The following GPR158 variants were observed in gnomAD, a reference collection of about 807,000 sequenced individuals.
GPR158 encodes metabotropic glycine receptor.
GPR158 carries 30 observed loss-of-function variants against 78.2 expected under a neutral mutation model. The ratio of observed to expected loss-of-function variants is 0.38; its 90% CI spans 0.29 to 0.52. The LOEUF (loss-of-function observed/expected upper bound fraction) is 0.52, where lower values mean the gene tolerates loss of function less well. Among genes scored for constraint, GPR158 ranks in the 20% least tolerant of loss-of-function variants. The pLI, the probability that GPR158 is intolerant of heterozygous loss-of-function variation, is 0.83. For synonymous variants in GPR158, 581 were observed against 591.1 expected, an observed-to-expected ratio of 0.98 and a Z score of 0.25; for missense variants, 1,463 against 1,523.5, an observed-to-expected ratio of 0.96 and a Z score of 0.66.
At chr10:25,242,857 T>C (rs1853644747) in intron 2 of GPR158, among the ~76,000 whole-genome samples, 1 of 152,226 alleles carries the variant, frequency 6.6e-6, no homozygotes, top group South Asian at 2.1e-4. Context: ...ATAAATGTTT[T>C]AGGTCTGCAC....
At chr10:25,248,891 T>C (rs1588757005) in intron 2 of GPR158, among the ~76,000 whole-genome samples, 1 of 151,498 alleles carries the variant, frequency 6.6e-6, no homozygotes, top group East Asian at 1.9e-4. Flanking sequence ...ATTGAATCTG[T>C]AAATTACCTT....
At chr10:25,276,881 A>G (rs1398757226) in intron 2 of GPR158, among the ~76,000 whole-genome samples, 1 of 152,154 alleles carries the variant, frequency 6.6e-6, no homozygotes, top group Non-Finnish European at 1.5e-5. Flanking sequence ...ACATAAAAGA[A>G]CAGTGAAAGT....
At chr10:25,246,701 T>C (rs1004868644) in intron 2 of GPR158, among the ~76,000 whole-genome samples, 1 of 152,182 alleles carries the variant, frequency 6.6e-6, no homozygotes, top group African/African-American at 2.4e-5. Context: ...TTCTAAATAC[T>C]AGACCTGGCT....
At chr10:25,344,687 A>C (rs544168310) in intron 2 of GPR158, among the ~76,000 whole-genome samples, 19 of 152,022 alleles carry the variant, frequency 1.2e-4, no homozygotes, top group African/African-American at 3.9e-4. Context: ...CAAGTAATGC[A>C]GCTGTATTTT....
At chr10:25,377,083 G>T (rs946524257) in intron 2 of GPR158, among the ~76,000 whole-genome samples, 1 of 151,660 alleles carries the variant, frequency 6.6e-6, no homozygotes, top group Non-Finnish European at 1.5e-5. Context: ...GTATCTTTGA[G>T]CATTTTTAGC....
intron 5 of GPR158, among the ~76,000 whole-genome samples, chr10:25,485,434 T>A (rs539198406): frequency 2.0e-5 from 3 of 152,210 alleles, no homozygotes; most frequent in East Asian, 3.9e-4. Flanking sequence ...TCCAGAGCCA[T>A]GTAAACGTGA....
At chr10:25,482,192 T>G (rs578082156) in intron 5 of GPR158, among the ~76,000 whole-genome samples, 2 of 152,046 alleles carry the variant, frequency 1.3e-5, no homozygotes, top group African/African-American at 4.8e-5. Flanking sequence ...AATTCTATTC[T>G]TTTTTTTAAG....
intron 3 of GPR158, among the ~76,000 whole-genome samples, chr10:25,403,412 G>GT (rs762726981): frequency 6.6e-6 from 1 of 151,836 alleles, no homozygotes. Flanking sequence ...CCTTCTTTAT[G>GT]TTTTTTCTCA....
At chr10:25,372,858 TAA>T (rs1588832051) in intron 2 of GPR158, among the ~76,000 whole-genome samples, 4 of 150,660 alleles carry the variant, frequency 2.7e-5, no homozygotes, top group South Asian at 2.1e-4. Flanking sequence ...TTAATAATAA[TAA>T]AATAAATAAA....
At chr10:25,478,609 T>A (rs1835621657) in intron 5 of GPR158, among the ~76,000 whole-genome samples, 1 of 152,016 alleles carries the variant, frequency 6.6e-6, no homozygotes, top group East Asian at 1.9e-4. Context: ...CTTTATCAGT[T>A]TAACAAAACC....
intron 5 of GPR158, among the ~76,000 whole-genome samples, chr10:25,484,504 A>G (rs967419818): frequency 4.6e-5 from 7 of 152,230 alleles, no homozygotes; most frequent in African/African-American, 1.4e-4. Flanking sequence ...GACTAAGAAC[A>G]TCATCAGTGA....
intron 7 of GPR158, among the ~76,000 whole-genome samples, chr10:25,587,667 A>G (rs1047093109): frequency 2.6e-5 from 4 of 151,772 alleles, no homozygotes; most frequent in Admixed American, 1.3e-4. Flanking sequence ...AAGGTCCACC[A>G]TGCTGAATAA....
intron 5 of GPR158, among the ~76,000 whole-genome samples, chr10:25,502,767 T>C (rs1835958748): frequency 6.6e-6 from 1 of 152,182 alleles, no homozygotes; most frequent in South Asian, 2.1e-4. Flanking sequence ...TCCCTGCATG[T>C]GTACCTTTCA....
At chr10:25,392,508 G>A (rs920157004) in intron 2 of GPR158, among the ~76,000 whole-genome samples, 7 of 152,224 alleles carry the variant, frequency 4.6e-5, no homozygotes, top group Non-Finnish European at 8.8e-5. Context: ...CAAGGATCCC[G>A]TAGCAATAAC....
intron 2 of GPR158, among the ~76,000 whole-genome samples, chr10:25,274,943 A>C (rs1329865599): frequency 6.6e-6 from 1 of 152,212 alleles, no homozygotes; most frequent in Non-Finnish European, 1.5e-5. Context: ...ATTACTCTCC[A>C]GAAAACGATA....
intron 6 of GPR158, among the ~76,000 whole-genome samples, chr10:25,555,575 C>G (rs548625917): frequency 6.6e-6 from 1 of 152,126 alleles, no homozygotes; most frequent in East Asian, 1.9e-4. Context: ...AGTATCTCTA[C>G]GCTCAGAATA....
At chr10:25,319,150 C>G (rs908158448) in intron 2 of GPR158, among the ~76,000 whole-genome samples, 2 of 152,130 alleles carry the variant, frequency 1.3e-5, no homozygotes, top group African/African-American at 2.4e-5. Flanking sequence ...AATGGAATAG[C>G]CTTTGCTTTC....
chr10:25,313,066 T>C (rs1403193507), intron 2 of GPR158, among the ~76,000 whole-genome samples: 1 of 152,006 alleles, frequency 6.6e-6, no homozygotes, highest in African/African-American at 2.4e-5. Context: ...TATTAATATA[T>C]TTTTCTTCTC....
At chr10:25,429,092 A>C (rs1033818715) in intron 4 of GPR158, among the ~76,000 whole-genome samples, 4 of 152,018 alleles carry the variant, frequency 2.6e-5, no homozygotes, top group Admixed American at 2.0e-4. Flanking sequence ...CAGAGGATGA[A>C]ATACTATATC....
Sources: gnomAD v4.1 joint callset for allele counts (sites outside exome capture counted in the v4.1 genomes callset) on GRCh38, gnomAD v4.1.1 for gene constraint, MANE v1.5 for transcripts, NCBI Gene and HGNC (gene_info 2026-07-23, HGNC 2026-07-21) for gene names.